The following GPR19 variants were observed in gnomAD, a reference collection of about 807,000 sequenced individuals.
The protein encoded by GPR19 is G protein-coupled receptor 19.
GPR19 carries 14 observed loss-of-function variants against 28.5 expected under a neutral mutation model. The ratio of observed to expected loss-of-function variants is 0.49; its 90% CI spans 0.32 to 0.77. GPR19 has a LOEUF of 0.77. GPR19 is among the 30% of genes least tolerant of loss of function. The pLI, the probability that GPR19 is intolerant of heterozygous loss-of-function variation, is 0.03. For missense variants in GPR19, 409 were observed against 504.1 expected (o/e 0.81, Z 1.81); for synonymous variants, 173 against 184.1 (o/e 0.94, Z 0.49).
intron 3 of GPR19, among the ~76,000 whole-genome samples, chr12:12,676,146 C>A (rs1370124219): frequency 6.6e-6 from 1 of 152,168 alleles, no homozygotes; most frequent in African/African-American, 2.4e-5. Flanking sequence ...TTCTACTTCA[C>A]CTTACACATT....
intron 2 of GPR19, chr12:12,688,644 G>C (rs1946129209): frequency 6.6e-6 from 1 of 152,196 alleles, no homozygotes; most frequent in Non-Finnish European, 1.5e-5. Flanking sequence ...CAATAGCATG[G>C]TCAGACACAG....
the GPR19 span, among the ~76,000 whole-genome samples, chr12:12,709,991 A>G: frequency 6.6e-6 from 1 of 152,182 alleles, no homozygotes; most frequent in Admixed American, 6.5e-5. Context: ...GAGTCTGAGA[A>G]GGGAGTACAG....
At chr12:12,684,149 C>G (rs911015115) in intron 3 of GPR19, 1 of 152,068 alleles carries the variant, frequency 6.6e-6, no homozygotes, top group African/African-American at 2.4e-5. Flanking sequence ...AATTTCCATC[C>G]AATTTTTCAA....
intron 2 of GPR19, among the ~76,000 whole-genome samples, chr12:12,689,393 C>CT (rs1377796582): frequency 2.0e-5 from 3 of 152,168 alleles, no homozygotes; most frequent in Non-Finnish European, 4.4e-5. Flanking sequence ...GAGGTACCCT[C>CT]TCTCTCATCA....
the GPR19 span, chr12:12,717,026 C>T: frequency 1.0e-6 from 1 of 1,002,446 alleles, no homozygotes; most frequent in Non-Finnish European, 1.2e-6. Context: ...GAGGTCGGGG[C>T]TTAGGCGCCG....
chr12:12,685,002 T>C (rs1257627560), intron 2 of GPR19: 3 of 152,182 alleles, frequency 2.0e-5, no homozygotes, highest in African/African-American at 7.2e-5. Context: ...ACGGACAGCA[T>C]TACACCCTCT....
chr12:12,671,173 G>A (rs1199214897), intron 3 of GPR19, among the ~76,000 whole-genome samples: 1 of 151,844 alleles, frequency 6.6e-6, no homozygotes, highest in African/African-American at 2.4e-5. Flanking sequence ...GGGTGTGGCG[G>A]CTGGTGCCTG....
the GPR19 span, among the ~76,000 whole-genome samples, chr12:12,714,261 T>C: frequency 6.6e-6 from 1 of 152,150 alleles, no homozygotes; most frequent in Non-Finnish European, 1.5e-5. Flanking sequence ...GCTGCCTCAT[T>C]ATAAACATCC....
chr12:12,679,853 G>A (rs1945992342), intron 3 of GPR19, among the ~76,000 whole-genome samples: 1 of 151,894 alleles, frequency 6.6e-6, no homozygotes, highest in South Asian at 2.1e-4. Context: ...GTGCTTATTG[G>A]GTGTCTTCAA....
intron 2 of GPR19, among the ~76,000 whole-genome samples, chr12:12,690,609 C>A (rs1946167196): frequency 6.6e-6 from 1 of 152,228 alleles, no homozygotes; most frequent in Non-Finnish European, 1.5e-5. Context: ...TCAACTAGTT[C>A]TGCTTGTCCC....
At chr12:12,685,571 A>C (rs1452722834) in intron 2 of GPR19, among the ~76,000 whole-genome samples, 1 of 152,172 alleles carries the variant, frequency 6.6e-6, no homozygotes, top group East Asian at 1.9e-4. Context: ...GAGCCTGCTG[A>C]CTAAAGAAAG....
At chr12:12,714,143 G>A in the GPR19 span, among the ~76,000 whole-genome samples, 7 of 152,198 alleles carry the variant, frequency 4.6e-5, no homozygotes, top group Non-Finnish European at 8.8e-5. Context: ...TTAATAGAAG[G>A]TGCTCCGTAA....
intron 2 of GPR19, 93 bp from the exon 3 acceptor site, chr12:12,684,600 T>C (rs1946068451): frequency 6.6e-6 from 1 of 152,190 alleles, no homozygotes; most frequent in Admixed American, 6.5e-5. Flanking sequence ...TCCCTTCTCC[T>C]TTCCAAGGCT....
intron 3 of GPR19, among the ~76,000 whole-genome samples, chr12:12,666,492 TG>T (rs980959017): frequency 6.6e-6 from 1 of 152,174 alleles, no homozygotes; most frequent in Non-Finnish European, 1.5e-5. Flanking sequence ...TTAATTTAAT[TG>T]CTCTGGAGTG....
the GPR19 span, chr12:12,715,033 G>C: frequency 4.6e-5 from 7 of 152,204 alleles, no homozygotes; most frequent in African/African-American, 1.4e-4. Context: ...ATGTGAAGGG[G>C]ATCGAAGTGT....
At chr12:12,672,636 A>T (rs1383012909) in intron 3 of GPR19, among the ~76,000 whole-genome samples, 1 of 152,042 alleles carries the variant, frequency 6.6e-6, no homozygotes, top group African/African-American at 2.4e-5. Context: ...AATCCCAGTT[A>T]TTTGGGAGGC....
At chr12:12,700,142 CTT>C (rs1946310005), upstream of GPR19, among the ~76,000 whole-genome samples, 7 of 76,746 alleles carry the variant, frequency 9.1e-5, no homozygotes, top group South Asian at 1.4e-3. Flanking sequence ...CCTCTCTCTT[CTT>C]TTTTCTCTCT....
chr12:12,717,018 G>A, the GPR19 span: 2 of 1,000,620 alleles, frequency 2.0e-6, no homozygotes, highest in Non-Finnish European at 2.4e-6. Flanking sequence ...GCGGGAGGGA[G>A]GTCGGGGCTT....
At chr12:12,697,175 A>AAAAAAAAAAAAAAAAC (rs1946278938), upstream of GPR19, among the ~76,000 whole-genome samples, 1 of 149,928 alleles carries the variant, frequency 6.7e-6, no homozygotes, top group African/African-American at 2.5e-5. Context: ...AAAAAAAAAA[A>AAAAAAAAAAAAAAAAC]AAGCAGCCAT....
Sources: gnomAD v4.1 joint callset for allele counts (sites outside exome capture counted in the v4.1 genomes callset) on GRCh38, gnomAD v4.1.1 for gene constraint, MANE v1.5 for transcripts, NCBI Gene and HGNC (gene_info 2026-07-23, HGNC 2026-07-21) for gene names.